ANO2: variants seen among roughly 807,000 people sequenced by gnomAD.
The protein encoded by ANO2 is anoctamin-2.
Under a neutral mutation model 124.2 loss-of-function variants are expected in ANO2, and 101 were observed. The observed-to-expected ratio is 0.81, with a 90% CI of 0.69 to 0.96. ANO2 has a LOEUF of 0.96. Ranked by LOEUF, ANO2 falls within the 40% of genes least tolerant of loss-of-function variation. The pLI, the probability that ANO2 is intolerant of heterozygous loss-of-function variation, is 0.00. For synonymous variants in ANO2, 486 were observed against 482.5 expected, an observed-to-expected ratio of 1.01 and a Z score of -0.09; for missense variants, 1,293 against 1,274.5, an observed-to-expected ratio of 1.01 and a Z score of -0.22.
intron 10 of ANO2, among the ~76,000 whole-genome samples, chr12:5,777,172 G>C (rs1360915198): frequency 6.6e-6 from 1 of 152,200 alleles, no homozygotes; most frequent in Non-Finnish European, 1.5e-5. Flanking sequence ...TAACAGACAA[G>C]AAGTTTACAG....
At chr12:5,805,923 G>C in intron 9 of ANO2, 129 bp downstream of exon 9, 1 of 861,420 alleles carries the variant, frequency 1.2e-6, no homozygotes. Flanking sequence ...GGGAAAGGGG[G>C]GAGCTGGTAA....
Position 5,818,474 on chromosome 12 carries a change from T to C in ANO2, c.892+9295A>G, listed in dbSNP as rs1953683659. Reference sequence around the variant, plus strand: ...ATATATATATATATATATATATATATATATATATATATATATATATGGATA... The same window carrying C: ...ATATATATATATATATATATATATACATATATATATATATATATATGGATA... On this transcript the variant is annotated intron_variant, in intron 7 of 24. Coordinates refer to ENST00000682330, the MANE Select transcript of ANO2 (RefSeq NM_001364791.2). Among the ~76,000 whole-genome samples the C allele has an allele frequency of 4.3e-5, 4 of 92,018 alleles. No individual in the cohort carries two copies. In the South Asian group the frequency reaches 1.4e-3, roughly 32 times the overall value. 60.4% of individuals were successfully genotyped at this position (92,018 alleles called of 152,430 possible).
chr12:5,844,420 C>G (rs531335883), intron 4 of ANO2, among the ~76,000 whole-genome samples: 1 of 152,158 alleles, frequency 6.6e-6, no homozygotes, highest in Non-Finnish European at 1.5e-5. Flanking sequence ...GACAGACGTA[C>G]GACACTTTTA....
intron 14 of ANO2, among the ~76,000 whole-genome samples, chr12:5,698,586 G>C (rs1160406038): frequency 6.6e-6 from 1 of 152,218 alleles, no homozygotes; most frequent in Non-Finnish European, 1.5e-5. Flanking sequence ...ATGGAAAAAA[G>C]CTGGATGGAG....
At chr12:5,923,083 C>CACACACGCAT (rs1339255683) in intron 1 of ANO2, among the ~76,000 whole-genome samples, 560 of 15,828 alleles carry the variant, frequency 0.035, 128 homozygotes, top group East Asian at 0.15. Flanking sequence ...TGCACACATA[C>CACACACGCAT]ACACACACAC....
chr12:5,943,277 T>TTGTGTGTGTGTG (rs138167836), intron 1 of ANO2, among the ~76,000 whole-genome samples: 84 of 148,476 alleles, frequency 5.7e-4, no homozygotes, highest in African/African-American at 1.9e-3. Flanking sequence ...GAGTGTGTGT[T>TTGTGTGTGTGTG]TGTGTGTGTG....
intron 10 of ANO2, among the ~76,000 whole-genome samples, chr12:5,772,979 A>T (rs1172374184): frequency 6.6e-6 from 1 of 152,224 alleles, no homozygotes; most frequent in Non-Finnish European, 1.5e-5. Context: ...ATGTCTGTGG[A>T]CTGCAACAAC....
chr12:5,707,592 A>G (rs1367532913), intron 14 of ANO2, among the ~76,000 whole-genome samples: 2 of 152,174 alleles, frequency 1.3e-5, no homozygotes, highest in Non-Finnish European at 2.9e-5. Context: ...AGGACTCTGA[A>G]GTCCTCTCCA....
intron 15 of ANO2, among the ~76,000 whole-genome samples, chr12:5,644,316 C>A (rs1042237695): frequency 2.0e-5 from 3 of 152,190 alleles, no homozygotes; most frequent in Non-Finnish European, 4.4e-5. Context: ...TTGCATTAAT[C>A]TGGTTCTTGG....
intron 10 of ANO2, among the ~76,000 whole-genome samples, chr12:5,781,788 TA>T (rs1952405140): frequency 6.6e-6 from 1 of 152,246 alleles, no homozygotes; most frequent in African/African-American, 2.4e-5. Context: ...TAATGATCTG[TA>T]ATTTAATTCC....
intron 14 of ANO2, among the ~76,000 whole-genome samples, chr12:5,706,014 T>G (rs567538018): frequency 5.5e-4 from 84 of 152,292 alleles, no homozygotes; most frequent in African/African-American, 1.9e-3. Flanking sequence ...CACGGTGCCC[T>G]TCTGGGGGAG....
chr12:5,683,617 T>C (rs985555932), intron 14 of ANO2, among the ~76,000 whole-genome samples: 5 of 152,172 alleles, frequency 3.3e-5, no homozygotes, highest in African/African-American at 1.2e-4. Flanking sequence ...CATGTCCTAA[T>C]TTTCAGTTCA....
chr12:5,724,850 G>A (rs1022537833), intron 14 of ANO2, among the ~76,000 whole-genome samples: 1 of 152,018 alleles, frequency 6.6e-6, no homozygotes, highest in South Asian at 2.1e-4. Context: ...TAGGTGACAA[G>A]TTCCATGAAG....
chr12:5,605,181 T>C (rs1737780947), intron 19 of ANO2, among the ~76,000 whole-genome samples: 2 of 152,202 alleles, frequency 1.3e-5, no homozygotes. Flanking sequence ...CATCCACTTC[T>C]AAGCTATGTA....
At chr12:5,817,143 G>A (rs1953636834) in intron 7 of ANO2, among the ~76,000 whole-genome samples, 2 of 152,140 alleles carry the variant, frequency 1.3e-5, no homozygotes, top group African/African-American at 2.4e-5. Context: ...CCAACAACCT[G>A]GGGATTGTCC....
intron 4 of ANO2, among the ~76,000 whole-genome samples, chr12:5,853,656 C>G (rs2137253963): frequency 6.6e-6 from 1 of 152,270 alleles, no homozygotes; most frequent in Non-Finnish European, 1.5e-5. Context: ...GTTTCCCCTG[C>G]CCACTGCTGA....
At position 5,658,649 on chromosome 12, in the gene ANO2, T is replaced by TATC. The variant is rs535734462; in HGVS notation, c.1546-10851_1546-10849dup. On this transcript the variant is annotated intron_variant, in intron 14 of 24. Transcript: ENST00000682330. The surrounding 1 kb of genome is among the most constrained non-coding windows in gnomAD (Gnocchi z 4.3). ...ACATCAATATTATCATTGTCATCAA[T>TATC]ATCATCATCATCATCATCAACATCA... Among the ~76,000 whole-genome samples the TATC allele has an allele frequency of 4.1e-5, 6 of 146,532 alleles. No individual in the cohort carries two copies. In the East Asian group the frequency reaches 5.8e-4, roughly 14 times the overall value.
At chr12:5,738,621 T>C (rs528180343) in intron 13 of ANO2, among the ~76,000 whole-genome samples, 3 of 152,118 alleles carry the variant, frequency 2.0e-5, no homozygotes, top group East Asian at 3.9e-4. Flanking sequence ...GACAGTGGGG[T>C]TGCTTTTGGA....
chr12:5,816,515 G>A (rs570473634), intron 7 of ANO2, among the ~76,000 whole-genome samples: 1 of 152,180 alleles, frequency 6.6e-6, no homozygotes, highest in South Asian at 2.1e-4. Context: ...GAAGTTAACA[G>A]ACTCTAAAGA....
Sources: allele counts gnomAD v4.1 joint callset (sites outside exome capture counted in the v4.1 genomes callset), GRCh38; gene constraint gnomAD v4.1.1; non-coding constraint Gnocchi (gnomAD v3.1); transcripts MANE v1.5; gene names NCBI Gene and HGNC (gene_info 2026-07-23, HGNC 2026-07-21).